Variants in UVSSA observed in about 807,000 individuals in gnomAD.
UVSSA encodes the protein UV-stimulated scaffold protein A.
A neutral mutation model predicts 73.9 loss-of-function variants in UVSSA; 72 were observed. The observed-to-expected ratio is 0.97, with a 90% CI of 0.81 to 1.19. UVSSA has a LOEUF of 1.19. UVSSA is among the 50% of genes most tolerant of loss of function. The probability of loss-of-function intolerance (pLI) is 0.00; values close to 1 mark genes in which losing one functional copy is unlikely to be tolerated. For missense variants in UVSSA, 1,150 were observed against 965.0 expected (o/e 1.19, Z -2.54); for synonymous variants, 454 against 391.3 (o/e 1.16, Z -1.89).
At chr4:1,349,922 G>A (rs1714430520) in intron 3 of UVSSA, 68 bp downstream of exon 3, 2 of 1,375,542 alleles carry the variant, frequency 1.5e-6, no homozygotes, top group Non-Finnish European at 1.9e-6. Flanking sequence ...CGATACCAGG[G>A]TGAAGATGCG....
At chr4:1,378,523 C>T (rs1009899482) in intron 10 of UVSSA, among the ~76,000 whole-genome samples, 1 of 152,198 alleles carries the variant, frequency 6.6e-6, no homozygotes, top group East Asian at 1.9e-4. Context: ...CACACTCCAG[C>T]CTGGGCAACA....
At chr4:1,384,845 C>G (rs1166800118) in intron 13 of UVSSA, 1 of 152,354 alleles carries the variant, frequency 6.6e-6, no homozygotes, top group Non-Finnish European at 1.5e-5. Context: ...GGCGCCTTCA[C>G]AGCACTCAGA....
chr4:1,388,244 T>C (rs1720291827), downstream of UVSSA: 1 of 152,210 alleles, frequency 6.6e-6, no homozygotes, highest in African/African-American at 2.4e-5. Context: ...ACAAAAGCAA[T>C]CACAAATGTA....
In UVSSA at chr4:1,375,519, G is replaced by A. The variant is rs543841488; in HGVS notation, c.1433+11G>A. 29 of 1,606,834 alleles carry A rather than the reference G, an allele frequency of 1.8e-5. No homozygotes were observed. In the Admixed American group the frequency reaches 2.5e-4, roughly 14 times the overall value. ...ACCCTCATCTGCCAGGTGACTCCCA[G>A]TGTCCTGTGTGCTGAGCCCCCTGCC... On this transcript the variant is annotated intron_variant, in intron 9 of 13. Coordinates refer to ENST00000389851, the MANE Select transcript of UVSSA (RefSeq NM_020894.4).
At chr4:1,380,368 C>G (rs977813298) in intron 11 of UVSSA, 138 bp downstream of exon 11, 4 of 1,192,402 alleles carry the variant, frequency 3.4e-6, no homozygotes, top group Admixed American at 5.7e-5. Flanking sequence ...GGGGCTTATC[C>G]GTGGTGGGCA....
chr4:1,372,677 C>T (rs866180567), intron 8 of UVSSA, among the ~76,000 whole-genome samples: 6 of 151,100 alleles, frequency 4.0e-5, no homozygotes, highest in African/African-American at 7.3e-5. Context: ...GTTCCTCCCG[C>T]GTCTCAGGGC....
chr4:1,353,051 C>G lies in UVSSA; in HGVS notation c.572C>G (p.Ser191Cys), dbSNP rs200478324. ...EMQEMSGEIE[S>C]CLTEVESCFR... ...GCAGAAATGTCTGGAGAAATTGAAT[C>G]CTGCTTGACGGAGGTAGAGAGCTGC... The change falls in exon 5 of 14, where the codon TCC becomes TGC. Residue 191 changes from serine (S) to cysteine (C), a missense_variant. Physicochemically the swap from Ser to Cys is moderately radical, Grantham distance 112. Coordinates refer to ENST00000389851, the MANE Select transcript of UVSSA (RefSeq NM_020894.4). 30 of 1,610,932 alleles carry G rather than the reference C, an allele frequency of 1.9e-5. No homozygotes were observed. The highest frequency in any genetic ancestry group is 8.4e-5 in the Admixed American group (5 of 59,752).
At chr4:1,377,261 C>T (rs1257424572) in intron 10 of UVSSA, among the ~76,000 whole-genome samples, 3 of 152,214 alleles carry the variant, frequency 2.0e-5, no homozygotes, top group Admixed American at 1.3e-4. Context: ...CCGGGACGTC[C>T]TGGCACATTG....
chr4:1,378,426 G>A (rs562643741), intron 10 of UVSSA, among the ~76,000 whole-genome samples: 13 of 152,294 alleles, frequency 8.5e-5, no homozygotes, highest in Middle Eastern at 3.4e-3. Context: ...GGTGGCGTGC[G>A]CCTGTAATCC....
Position 1,380,887 on chromosome 4 carries a change from T to C in UVSSA, c.1760T>C (p.Phe587Ser). 1 of 1,612,860 alleles carries C rather than the reference T, an allele frequency of 6.2e-7. No individual in the cohort carries two copies. Among genetic ancestry groups the C allele is most frequent in the South Asian group, 1.1e-5 (1 of 91,044 alleles). ...CGTGTCCTCGCTGTGCAGTGCCCTT[T>C]CCATGGGAAGATTGTTCCACGGGAC... is the stretch of plus-strand genomic sequence containing the variant. ...CERQDRLKCP[F>S]HGKIVPRDDE... The change falls in exon 12 of 14, where the codon TTC becomes TCC. Residue 587 changes from phenylalanine to serine, a missense_variant. Physicochemically the swap from Phe to Ser is radical, Grantham distance 155. Transcript: ENST00000389851.
intron 13 of UVSSA, chr4:1,384,314 G>A: frequency 4.0e-6 from 1 of 251,580 alleles, no homozygotes. Context: ...TATTTCTGCA[G>A]CGGTGACTTC....
chr4:1,373,216 A>G (rs1242291548), intron 8 of UVSSA, among the ~76,000 whole-genome samples: 2 of 152,224 alleles, frequency 1.3e-5, no homozygotes, highest in African/African-American at 2.4e-5. Context: ...TATGACCACA[A>G]GGTCCCACAA....
chr4:1,380,649 C>T (rs1719369085), intron 11 of UVSSA: 1 of 1,526,806 alleles, frequency 6.5e-7, no homozygotes, highest in East Asian at 2.5e-5. Context: ...AGACTTTCCA[C>T]AGCTGCCCAA....
In UVSSA at chr4:1,376,159, A is replaced by G; in HGVS notation, c.1559A>G (p.Lys520Arg). The G allele has an allele frequency of 6.2e-7, 1 of 1,610,078 alleles. No homozygotes were observed. Among genetic ancestry groups the G allele is most frequent in the Non-Finnish European group, 8.5e-7 (1 of 1,178,424 alleles). The change falls in exon 10 of 14, where the codon AAG becomes AGG. Residue 520 changes from lysine to arginine, a missense_variant. Transcript: ENST00000389851. ...YWGQELPTAGKIVKSDSQHRF... is the reference protein window; with the variant it reads ...YWGQELPTAGRIVKSDSQHRF... ...GGCCAGGAGCTCCCCACAGCCGGGA[A>G]GATTGTCAAGTGAGTCCCCATGTGT... is the stretch of plus-strand genomic sequence containing the variant.
Position 1,354,491 on chromosome 4 carries a change from C to G in UVSSA, c.935-244C>G. 4 of 533,080 alleles carry G rather than the reference C, an allele frequency of 7.5e-6. No individual in the cohort carries two copies. The South Asian group carries it at 8.3e-5, about 11-fold the overall frequency. 33.0% of individuals were successfully genotyped at this position (533,080 alleles called of 1,614,324 possible). ...GATGGGATGGCTGCAGCCAAGGAGA[C>G]TGAGACACAGGCAGTGGAGCTGCGT... On this transcript the variant is annotated intron_variant, in intron 5 of 13. Coordinates refer to ENST00000389851, the MANE Select transcript of UVSSA (RefSeq NM_020894.4).
At chr4:1,345,865 C>T (rs1268441487), upstream of UVSSA, among the ~76,000 whole-genome samples, 1 of 151,998 alleles carries the variant, frequency 6.6e-6, no homozygotes, top group Non-Finnish European at 1.5e-5. Flanking sequence ...CTAATGAGAA[C>T]TAGTAACAAC....
At chr4:1,377,899 G>A (rs1220153208) in intron 10 of UVSSA, among the ~76,000 whole-genome samples, 1 of 152,262 alleles carries the variant, frequency 6.6e-6, no homozygotes, top group Non-Finnish European at 1.5e-5. Context: ...CCCGGGCTGG[G>A]GAAGGGCCCC....
At chr4:1,395,595 C>T in exon 14 of UVSSA, 2 of 1,538,480 alleles carry the variant, frequency 1.3e-6, no homozygotes, top group Non-Finnish European at 1.8e-6. Flanking sequence ...TGTGGAGTGC[C>T]CGCCTGCTCA....
chr4:1,342,256 T>C (rs528333536), upstream of UVSSA, among the ~76,000 whole-genome samples: 3 of 152,324 alleles, frequency 2.0e-5, no homozygotes, highest in South Asian at 6.2e-4. Flanking sequence ...CACATTGTTG[T>C]CAACACTTGG....
Sources: gnomAD v4.1 joint callset for allele counts (sites outside exome capture counted in the v4.1 genomes callset) on GRCh38, gnomAD v4.1.1 for gene constraint, MANE v1.5 for transcripts, NCBI Gene and HGNC (gene_info 2026-07-23, HGNC 2026-07-21) for gene names.